CNTN5: variants seen among roughly 807,000 people sequenced by gnomAD.
CNTN5 encodes contactin-5.
Under a neutral mutation model 129.1 loss-of-function variants are expected in CNTN5, and 77 were observed. The observed-to-expected ratio is 0.60, with a 90% CI of 0.50 to 0.72. The LOEUF (loss-of-function observed/expected upper bound fraction) is 0.72. Ranked by LOEUF, CNTN5 falls within the 30% of genes least tolerant of loss-of-function variation. CNTN5 has a pLI of 0.00. For synonymous variants in CNTN5, 509 were observed against 465.6 expected, an observed-to-expected ratio of 1.09 and a Z score of -1.20; for missense variants, 1,478 against 1,328.8, an observed-to-expected ratio of 1.11 and a Z score of -1.75.
intron 6 of CNTN5, among the ~76,000 whole-genome samples, chr11:99,909,691 C>T (rs1228495478): frequency 6.6e-6 from 1 of 151,962 alleles, no homozygotes; most frequent in Non-Finnish European, 1.5e-5. Flanking sequence ...AGCCATCATT[C>T]TCAGCAAACT....
intron 9 of CNTN5, among the ~76,000 whole-genome samples, chr11:100,038,765 G>A (rs1281819087): frequency 6.6e-6 from 1 of 152,018 alleles, no homozygotes; most frequent in Non-Finnish European, 1.5e-5. Flanking sequence ...TTTAAAGTCT[G>A]TTTTATCAGA....
intron 13 of CNTN5, among the ~76,000 whole-genome samples, chr11:100,134,164 G>A (rs1001973026): frequency 6.6e-6 from 1 of 152,138 alleles, no homozygotes; most frequent in African/African-American, 2.4e-5. Context: ...GCTCATAGCT[G>A]CTTCTAATAA....
At chr11:99,891,553 T>C (rs1396622944) in intron 6 of CNTN5, among the ~76,000 whole-genome samples, 1 of 152,060 alleles carries the variant, frequency 6.6e-6, no homozygotes, top group African/African-American at 2.4e-5. Flanking sequence ...ATTGCTCAAC[T>C]CCCACTTATG....
chr11:99,195,568 T>C (rs1858860051), intron 1 of CNTN5, among the ~76,000 whole-genome samples: 1 of 152,184 alleles, frequency 6.6e-6, no homozygotes, highest in African/African-American at 2.4e-5. Flanking sequence ...TGATATCTAG[T>C]AAGGGTTGAA....
intron 1 of CNTN5, among the ~76,000 whole-genome samples, chr11:99,080,986 T>G (rs1865768096): frequency 6.6e-6 from 1 of 151,250 alleles, no homozygotes; most frequent in Admixed American, 6.6e-5. Context: ...ATCAGTTTTT[T>G]TTTTTTTTTT....
At chr11:99,252,359 A>C (rs1172425888) in intron 1 of CNTN5, among the ~76,000 whole-genome samples, 26 of 151,992 alleles carry the variant, frequency 1.7e-4, no homozygotes, top group Admixed American at 1.7e-3. Context: ...AAAACACACA[A>C]AAAAACCCCA....
Position 99,720,060 on chromosome 11 carries a change from C to T in CNTN5, c.56-99484C>T, listed in dbSNP as rs993623184. Among the ~76,000 whole-genome samples the T allele has an allele frequency of 2.0e-5, 3 of 151,914 alleles. No individual in the cohort carries two copies. The South Asian group carries it at 6.2e-4, about 32-fold the overall frequency. Reference sequence around the variant, plus strand: ...AGCCTACCGACAACAACAAAAAAAACCCTGGGACCTGATGAGTTCATAGCT... The same window carrying T: ...AGCCTACCGACAACAACAAAAAAAATCCTGGGACCTGATGAGTTCATAGCT... On this transcript the variant is annotated intron_variant, in intron 3 of 24. Transcript: ENST00000524871.
At chr11:99,980,499 A>G (rs1479346254) in intron 8 of CNTN5, among the ~76,000 whole-genome samples, 1 of 152,154 alleles carries the variant, frequency 6.6e-6, no homozygotes, top group Non-Finnish European at 1.5e-5. Flanking sequence ...CCTGCTTCTG[A>G]GATGCTTCTG....
chr11:99,554,362 T>G (rs1266036866), intron 2 of CNTN5, among the ~76,000 whole-genome samples: 1 of 152,138 alleles, frequency 6.6e-6, no homozygotes, highest in Non-Finnish European at 1.5e-5. Flanking sequence ...GAAATTTTAC[T>G]GAAGATCCTT....
At chr11:99,421,780 T>C (rs1262101437) in intron 2 of CNTN5, among the ~76,000 whole-genome samples, 1 of 152,142 alleles carries the variant, frequency 6.6e-6, no homozygotes, top group Admixed American at 6.5e-5. Flanking sequence ...GAAATTTGAG[T>C]AAATGTTTTG....
At chr11:99,060,990 C>T (rs961485922) in intron 1 of CNTN5, among the ~76,000 whole-genome samples, 1 of 152,082 alleles carries the variant, frequency 6.6e-6, no homozygotes, top group South Asian at 2.1e-4. Context: ...AAACTCCAAC[C>T]CCTCTGGATT....
At chr11:99,358,120 G>T (rs1215932577) in intron 2 of CNTN5, among the ~76,000 whole-genome samples, 2 of 142,080 alleles carry the variant, frequency 1.4e-5, no homozygotes, top group Admixed American at 1.4e-4. Context: ...ACAGAGTCTC[G>T]CTCTGTCGCC....
intron 8 of CNTN5, among the ~76,000 whole-genome samples, chr11:99,978,488 A>G (rs533448631): frequency 6.6e-6 from 1 of 152,342 alleles, no homozygotes; most frequent in East Asian, 1.9e-4. Context: ...TGCTATTTGT[A>G]GTAAATGCCC....
At chr11:99,307,458 T>C (rs886923316) in intron 1 of CNTN5, among the ~76,000 whole-genome samples, 1 of 152,162 alleles carries the variant, frequency 6.6e-6, no homozygotes, top group African/African-American at 2.4e-5. Context: ...AAAAAATGCA[T>C]ATTTTCTCCT....
intron 3 of CNTN5, among the ~76,000 whole-genome samples, chr11:99,707,486 G>T (rs79388904): frequency 6.6e-6 from 1 of 151,446 alleles, no homozygotes; most frequent in Admixed American, 6.6e-5. Context: ...GCATTAATTC[G>T]TAAAAAAATG....
intron 7 of CNTN5, among the ~76,000 whole-genome samples, chr11:99,944,704 T>A (rs2136124536): frequency 6.6e-6 from 1 of 152,180 alleles, no homozygotes; most frequent in Admixed American, 6.6e-5. Flanking sequence ...TCGCAAGCAT[T>A]CTTATACACC....
At chr11:100,310,023 G>A (rs958868697) in intron 21 of CNTN5, among the ~76,000 whole-genome samples, 4 of 151,882 alleles carry the variant, frequency 2.6e-5, no homozygotes, top group Admixed American at 6.6e-5. Flanking sequence ...GCCAAAGCCA[G>A]ATTTCCTGGA....
At chr11:99,706,612 G>A (rs563268592) in intron 3 of CNTN5, among the ~76,000 whole-genome samples, 4 of 151,310 alleles carry the variant, frequency 2.6e-5, no homozygotes, top group Admixed American at 6.6e-5. Context: ...TTCTAAATTT[G>A]TATGTGGTGT....
chr11:100,206,611 A>C (rs919744771), intron 15 of CNTN5, among the ~76,000 whole-genome samples: 1 of 152,230 alleles, frequency 6.6e-6, no homozygotes, highest in East Asian at 1.9e-4. Context: ...TACAACTGTA[A>C]CACTCAATTT....
Sources: gnomAD v4.1 joint callset for allele counts (sites outside exome capture counted in the v4.1 genomes callset) on GRCh38, gnomAD v4.1.1 for gene constraint, MANE v1.5 for transcripts, NCBI Gene and HGNC (gene_info 2026-07-23, HGNC 2026-07-21) for gene names.